PDE3A: variants seen among roughly 807,000 people sequenced by gnomAD.
The protein encoded by PDE3A is cGMP-inhibited 3',5'-cyclic phosphodiesterase 3A.
Under a neutral mutation model 98.3 loss-of-function variants are expected in PDE3A, and 43 were observed. The observed-to-expected ratio is 0.44, with a 90% confidence interval of 0.34 to 0.56. PDE3A has a LOEUF of 0.56. Among genes scored for constraint, PDE3A ranks in the 20% least tolerant of loss-of-function variants. The probability of loss-of-function intolerance (pLI) is 0.01; values close to 1 mark genes in which losing one functional copy is unlikely to be tolerated. For missense variants in PDE3A, 1,427 were observed against 1,440.7 expected (o/e 0.99, Z 0.15); for synonymous variants, 663 against 567.9 (o/e 1.17, Z -2.38).
intron 12 of PDE3A, among the ~76,000 whole-genome samples, chr12:20,647,890 C>T (rs962926707): frequency 2.6e-5 from 4 of 151,904 alleles, no homozygotes; most frequent in Non-Finnish European, 4.4e-5. Flanking sequence ...TTTTACACGT[C>T]TACATTTTTA....
At position 20,369,204 on chromosome 12, in the gene PDE3A, T is replaced by G; in HGVS notation, c.-81T>G. ...GAGCGTGCGTGCGTGTGTGTGTGTG[T>G]GTGTGTGCGCGCGCGCGCGTGGGTC... On this transcript the variant is annotated 5_prime_UTR_variant, in exon 1 of 16. Coordinates refer to ENST00000359062, the MANE Select transcript of PDE3A (RefSeq NM_000921.5). The G allele has an allele frequency of 4.6e-6, 4 of 872,834 alleles. No individual in the cohort carries two copies. Among genetic ancestry groups the G allele is most frequent in the Non-Finnish European group, 6.9e-6 (4 of 579,076 alleles). 54.1% of individuals were successfully genotyped at this position (872,834 alleles called of 1,614,324 possible). A position where few individuals can be genotyped will look rare whatever the true frequency, so the allele number is the denominator to read the frequency against.
At chr12:20,377,814 G>C (rs1164913672) in intron 1 of PDE3A, among the ~76,000 whole-genome samples, 3 of 151,626 alleles carry the variant, frequency 2.0e-5, no homozygotes, top group Non-Finnish European at 4.4e-5. Flanking sequence ...TTATAACACA[G>C]TATCAATATT....
At chr12:20,541,405 C>T (rs988766252) in intron 1 of PDE3A, among the ~76,000 whole-genome samples, 1 of 151,882 alleles carries the variant, frequency 6.6e-6, no homozygotes, top group Non-Finnish European at 1.5e-5. Context: ...ATACCTACCC[C>T]TCTATTTATT....
chr12:20,603,966 C>T (rs947073181), intron 2 of PDE3A, among the ~76,000 whole-genome samples: 4 of 151,966 alleles, frequency 2.6e-5, no homozygotes, highest in South Asian at 2.1e-4. Flanking sequence ...GTCAGGAGTT[C>T]GAGACCAGCC....
chr12:20,396,965 T>C (rs1944031163), intron 1 of PDE3A, among the ~76,000 whole-genome samples: 1 of 152,138 alleles, frequency 6.6e-6, no homozygotes, highest in Non-Finnish European at 1.5e-5. Flanking sequence ...TCTGTGGCTT[T>C]AGGTAAATTG....
At chr12:20,535,166 C>T (rs1941716311) in intron 1 of PDE3A, among the ~76,000 whole-genome samples, 1 of 152,120 alleles carries the variant, frequency 6.6e-6, no homozygotes, top group African/African-American at 2.4e-5. Context: ...TTAAAGAATA[C>T]CCTGAACTCT....
chr12:20,422,380 G>A (rs576774737), intron 1 of PDE3A, among the ~76,000 whole-genome samples: 22 of 152,102 alleles, frequency 1.4e-4, no homozygotes, highest in African/African-American at 5.1e-4. Context: ...TAACTGTCGA[G>A]TCTTTTAAAA....
In PDE3A at chr12:20,668,627, C is replaced by G. The variant is rs1201444688; in HGVS notation, c.3185-11403C>G. 2.1e-3 allele frequency among the ~76,000 whole-genome samples: 327 copies of G among 152,164 alleles called. 2 individuals are homozygous for G. Among genetic ancestry groups the G allele is most frequent in the African/African-American group, 7.4e-3 (309 of 41,518 alleles). On this transcript the variant is annotated intron_variant, in intron 15 of 15. Transcript: ENST00000359062. The stretch of plus-strand genomic sequence containing the variant: ...ATGGCAGGGTACTCCAACAGACCTG[C>G]AGCTGAGGGTCCTGTCTGTTAGAAG...
intron 1 of PDE3A, chr12:20,371,241 G>T: frequency 2.7e-6 from 1 of 368,404 alleles, no homozygotes; most frequent in East Asian, 1.6e-4. Flanking sequence ...GGGCATAAAG[G>T]AACAAATCCC....
At position 20,369,518 on chromosome 12, in the gene PDE3A, G is replaced by A; in HGVS notation, c.234G>A (p.Val78=). The change falls in exon 1 of 16, where the codon GTG becomes GTA. Residue 78 remains valine (V), a synonymous_variant. Coordinates refer to ENST00000359062, the MANE Select transcript of PDE3A (RefSeq NM_000921.5). ...GSLSFLLALL[V]RLVRGEVGCD... ...TGTCCTTTCTGCTGGCGCTGCTGGT[G>A]AGGCTGGTCCGCGGGGAGGTCGGCT... is the stretch of plus-strand genomic sequence containing the variant. 2 of 1,561,252 alleles carry A rather than the reference G, an allele frequency of 1.3e-6. No individual in the cohort carries two copies. The highest frequency in any genetic ancestry group is 1.7e-6 in the Non-Finnish European group (2 of 1,152,644).
intron 1 of PDE3A, among the ~76,000 whole-genome samples, chr12:20,429,110 C>T (rs946696786): frequency 6.6e-6 from 1 of 152,134 alleles, no homozygotes; most frequent in African/African-American, 2.4e-5. Context: ...GCAAAAAATG[C>T]ATAAAACAGA....
intron 1 of PDE3A, among the ~76,000 whole-genome samples, chr12:20,446,304 C>T (rs543357074): frequency 5.3e-5 from 8 of 152,238 alleles, no homozygotes; most frequent in South Asian, 2.1e-4. Context: ...TGCTTTCAGA[C>T]GGTCATGTAT....
intron 2 of PDE3A, among the ~76,000 whole-genome samples, chr12:20,607,266 C>G (rs1347687721): frequency 6.6e-6 from 1 of 151,568 alleles, no homozygotes; most frequent in East Asian, 1.9e-4. Flanking sequence ...TAGCAAAACC[C>G]CATCTGTACC....
intron 1 of PDE3A, among the ~76,000 whole-genome samples, chr12:20,472,428 CCA>C (rs1945454869): frequency 6.6e-6 from 1 of 152,108 alleles, no homozygotes; most frequent in African/African-American, 2.4e-5. Context: ...ACTGCAAACC[CCA>C]GTCAGTAGGA....
Position 20,459,287 on chromosome 12 carries a change from CTT to C in PDE3A, c.960+89046_960+89047del, listed in dbSNP as rs1405173680. Reference sequence around the variant, plus strand: ...AATTTTCAACTATCCCGGAGGTAGACTTTTATTGATATTTTAGAGTTATGACT... The same window carrying C: ...AATTTTCAACTATCCCGGAGGTAGACTTATTGATATTTTAGAGTTATGACT... On this transcript the variant is annotated intron_variant, in intron 1 of 15. Transcript: ENST00000359062. 7.2e-5 allele frequency among the ~76,000 whole-genome samples: 11 copies of C among 152,170 alleles called. No homozygotes were observed. The South Asian group carries it at 2.3e-3, about 32-fold the overall frequency.
Position 20,640,616 on chromosome 12 carries a change from G to A in PDE3A, c.2251+659G>A, listed in dbSNP as rs148886728. Among the ~76,000 whole-genome samples the A allele has an allele frequency of 3.3e-3, 507 of 152,218 alleles. 4 individuals carry two copies. The highest frequency in any genetic ancestry group is 0.011 in the African/African-American group (476 of 41,554). On this transcript the variant is annotated intron_variant, in intron 10 of 15. Coordinates refer to ENST00000359062, the MANE Select transcript of PDE3A (RefSeq NM_000921.5). ...ATCAAGTATTCAAGCTTTGAGTCTT[G>A]TGGGAATAAGTTTCCCATTTATAAC... is the stretch of plus-strand genomic sequence containing the variant.
chr12:20,382,788 A>G (rs1017191791), intron 1 of PDE3A, among the ~76,000 whole-genome samples: 3 of 151,982 alleles, frequency 2.0e-5, no homozygotes, highest in Admixed American at 1.3e-4. Flanking sequence ...CTTGTTAAAC[A>G]CTGTGCCCAG....
chr12:20,386,091 ATATATATAAAT>A (rs1943773765), intron 1 of PDE3A, among the ~76,000 whole-genome samples: 9 of 39,884 alleles, frequency 2.3e-4, no homozygotes. Flanking sequence ...AAATATATAA[ATATATATAAAT>A]ATATATATAA....
chr12:20,527,186 G>A (rs1202642138), intron 1 of PDE3A, among the ~76,000 whole-genome samples: 1 of 152,060 alleles, frequency 6.6e-6, no homozygotes, highest in Non-Finnish European at 1.5e-5. Flanking sequence ...ACAGGGGTGA[G>A]CCACTGTGCC....
Sources: allele counts gnomAD v4.1 joint callset (sites outside exome capture counted in the v4.1 genomes callset), GRCh38; gene constraint gnomAD v4.1.1; transcripts MANE v1.5; gene names NCBI Gene and HGNC (gene_info 2026-07-23, HGNC 2026-07-21).